SKAP2: variants seen among roughly 807,000 people sequenced by gnomAD.
The protein encoded by SKAP2 is src kinase-associated phosphoprotein 2.
Under a neutral mutation model 54.9 loss-of-function variants are expected in SKAP2, and 28 were observed. The observed-to-expected ratio is 0.51, with a 90% CI of 0.38 to 0.70. The LOEUF (loss-of-function observed/expected upper bound fraction) is 0.70. Among genes scored for constraint, SKAP2 ranks in the 30% least tolerant of loss-of-function variants. The pLI is 0.00. For synonymous variants in SKAP2, 137 were observed against 134.3 expected (o/e 1.02, Z -0.14); for missense variants, 356 against 424.1 (o/e 0.84, Z 1.41).
intron 6 of SKAP2, among the ~76,000 whole-genome samples, chr7:26,728,975 T>C (rs1011184668): frequency 6.6e-6 from 1 of 152,060 alleles, no homozygotes; most frequent in East Asian, 1.9e-4. Flanking sequence ...CAGGTGGAAA[T>C]GCATGAGGAG....
At chr7:26,740,087 T>C (rs1782401646) in intron 4 of SKAP2, 123 bp from the exon 5 acceptor site, 3 of 596,744 alleles carry the variant, frequency 5.0e-6, no homozygotes, top group South Asian at 2.3e-5. Context: ...TCTAAGTCTA[T>C]TAGCTTTGTT....
intron 4 of SKAP2, among the ~76,000 whole-genome samples, chr7:26,823,317 T>G (rs1488848861): frequency 2.0e-5 from 3 of 148,684 alleles, no homozygotes; most frequent in Non-Finnish European, 4.4e-5. Context: ...TCCTAGCTAC[T>G]CAGGAGGCTG....
At chr7:26,811,651 C>G (rs1186942036) in intron 4 of SKAP2, among the ~76,000 whole-genome samples, 1 of 152,184 alleles carries the variant, frequency 6.6e-6, no homozygotes, top group Admixed American at 6.5e-5. Context: ...CCCCCCTCCA[C>G]CTGCAGGTGA....
chr7:26,854,906 T>G lies in SKAP2; in HGVS notation c.68-16A>C, dbSNP rs1192718632. 1 of 1,505,622 alleles carries G rather than the reference T, an allele frequency of 6.6e-7. No homozygotes were observed. The highest frequency in any genetic ancestry group is 9.1e-7 in the Non-Finnish European group (1 of 1,099,678). 93.3% of individuals were successfully genotyped at this position (1,505,622 alleles called of 1,614,324 possible). A position where few individuals can be genotyped will look rare whatever the true frequency, so the allele number is the denominator to read the frequency against. ...GTTTCAACATCTAAACCATGCAATA[T>G]AAGAAACAGGATACAAATTATAAGA... is the stretch of plus-strand genomic sequence containing the variant. On this transcript the variant is annotated splice_polypyrimidine_tract_variant and intron_variant, in intron 1 of 12. Coordinates refer to ENST00000345317, the MANE Select transcript of SKAP2 (RefSeq NM_003930.5).
chr7:26,768,471 T>C (rs1783113870), intron 4 of SKAP2, among the ~76,000 whole-genome samples: 1 of 152,182 alleles, frequency 6.6e-6, no homozygotes, highest in African/African-American at 2.4e-5. Context: ...TTAAGGTTAG[T>C]ATTATGTATG....
At chr7:26,851,719 TAAAAAAAAA>T (rs5883051) in intron 3 of SKAP2, among the ~76,000 whole-genome samples, 20 of 132,776 alleles carry the variant, frequency 1.5e-4, no homozygotes, top group Middle Eastern at 3.8e-3. Context: ...GTATAATAAT[TAAAAAAAAA>T]AAAAAAAGAA....
intron 4 of SKAP2, among the ~76,000 whole-genome samples, chr7:26,823,554 T>G (rs1413198901): frequency 6.6e-6 from 1 of 151,694 alleles, no homozygotes; most frequent in Non-Finnish European, 1.5e-5. Context: ...CTAACCCAGA[T>G]CAAGGCCCTA....
chr7:26,859,814 T>A (rs187594286), intron 1 of SKAP2, among the ~76,000 whole-genome samples: 218 of 152,350 alleles, frequency 1.4e-3, no homozygotes, highest in Non-Finnish European at 2.4e-3. Context: ...TCTATTGTAA[T>A]GTGTTCAGAA....
At chr7:26,816,333 C>T (rs1784265193) in intron 4 of SKAP2, among the ~76,000 whole-genome samples, 1 of 152,016 alleles carries the variant, frequency 6.6e-6, no homozygotes, top group Non-Finnish European at 1.5e-5. Flanking sequence ...ACTGGCAGAG[C>T]TTATGCTGAG....
chr7:26,693,303 G>GTC (rs1786827173), intron 9 of SKAP2, among the ~76,000 whole-genome samples: 1 of 124,576 alleles, frequency 8.0e-6, no homozygotes, highest in Non-Finnish European at 1.6e-5. Flanking sequence ...CTGCACTCCA[G>GTC]TCTGGGCGAC....
chr7:26,797,943 T>C (rs1329128819), intron 4 of SKAP2, among the ~76,000 whole-genome samples: 1 of 151,280 alleles, frequency 6.6e-6, no homozygotes, highest in Non-Finnish European at 1.5e-5. Context: ...AACAGCAGAA[T>C]TGATCAAGCA....
intron 3 of SKAP2, among the ~76,000 whole-genome samples, chr7:26,845,634 G>A (rs1481044905): frequency 6.6e-6 from 1 of 152,116 alleles, no homozygotes; most frequent in Non-Finnish European, 1.5e-5. Flanking sequence ...TTTCTCTTAT[G>A]AAAAGAAGAG....
chr7:26,802,835 C>T (rs1405807890), intron 4 of SKAP2, among the ~76,000 whole-genome samples: 1 of 151,878 alleles, frequency 6.6e-6, no homozygotes, highest in African/African-American at 2.4e-5. Context: ...GAGTCAAGAT[C>T]GCACTCCAGC....
chr7:26,842,476 A>G (rs1446678401), intron 4 of SKAP2, among the ~76,000 whole-genome samples: 1 of 151,836 alleles, frequency 6.6e-6, no homozygotes, highest in Non-Finnish European at 1.5e-5. Context: ...ATAGATATTT[A>G]ATTGTTGAAT....
intron 10 of SKAP2, among the ~76,000 whole-genome samples, chr7:26,687,987 AAAGGT>A (rs1473220560): frequency 4.6e-5 from 7 of 152,178 alleles, no homozygotes; most frequent in Non-Finnish European, 7.4e-5. Flanking sequence ...ATGATTAAAA[AAAGGT>A]AAGAAAGAAA....
intron 4 of SKAP2, among the ~76,000 whole-genome samples, chr7:26,766,058 G>C (rs146003439): frequency 2.0e-4 from 31 of 151,512 alleles, no homozygotes; most frequent in African/African-American, 7.3e-4. Flanking sequence ...AAATTACTTT[G>C]GGCAGTATGA....
intron 6 of SKAP2, among the ~76,000 whole-genome samples, chr7:26,730,457 C>T (rs987592110): frequency 6.6e-6 from 1 of 152,166 alleles, no homozygotes; most frequent in Admixed American, 6.5e-5. Flanking sequence ...TGATGGAAAG[C>T]TTTCTAAAAT....
At chr7:26,767,911 G>A (rs1286610191) in intron 4 of SKAP2, among the ~76,000 whole-genome samples, 1 of 152,196 alleles carries the variant, frequency 6.6e-6, no homozygotes, top group Non-Finnish European at 1.5e-5. Context: ...TAAGTGCAAT[G>A]TGGTGCTGAG....
chr7:26,785,314 G>A lies in SKAP2; in HGVS notation c.308-45350C>T, dbSNP rs572415918. Among the ~76,000 whole-genome samples the A allele has an allele frequency of 1.5e-3, 224 of 152,124 alleles. 2 individuals are homozygous for A. Among genetic ancestry groups the A allele is most frequent in the African/African-American group, 5.3e-3 (221 of 41,510 alleles). ...CCATTCTCCTGCCTCAGCCTCCCGAGTAGCTGGGACTACAGGCGCCCGCCA... is the reference window on the plus strand; with the variant it reads ...CCATTCTCCTGCCTCAGCCTCCCGAATAGCTGGGACTACAGGCGCCCGCCA... On this transcript the variant is annotated intron_variant, in intron 4 of 12. Transcript: ENST00000345317.
Sources: gnomAD v4.1 joint callset for allele counts (sites outside exome capture counted in the v4.1 genomes callset) on GRCh38, gnomAD v4.1.1 for gene constraint, MANE v1.5 for transcripts, NCBI Gene and HGNC (gene_info 2026-07-23, HGNC 2026-07-21) for gene names.